The following ANKS1B variants were observed in gnomAD, a reference collection of about 807,000 sequenced individuals.
ANKS1B encodes ankyrin repeat and sterile alpha motif domain containing 1B.
A neutral mutation model predicts 148.3 loss-of-function variants in ANKS1B; 36 were observed. The observed-to-expected ratio is 0.24, with a 90% CI of 0.19 to 0.32. The LOEUF (loss-of-function observed/expected upper bound fraction) is 0.32, where lower values mean the gene tolerates loss of function less well. Ranked by LOEUF, ANKS1B falls within the 10% of genes least tolerant of loss-of-function variation. The probability of loss-of-function intolerance (pLI) is 1.00; values close to 1 mark genes in which losing one functional copy is unlikely to be tolerated. For synonymous variants in ANKS1B, 542 were observed against 560.8 expected, an observed-to-expected ratio of 0.97 and a Z score of 0.47; for missense variants, 1,157 against 1,542.6, an observed-to-expected ratio of 0.75 and a Z score of 4.19.
chr12:99,444,381 C>T (rs1567112935), intron 10 of ANKS1B, among the ~76,000 whole-genome samples: 1 of 151,864 alleles, frequency 6.6e-6, no homozygotes, highest in East Asian at 1.9e-4. Flanking sequence ...AAAATTATCA[C>T]TCCTAGATAA....
intron 14 of ANKS1B, among the ~76,000 whole-genome samples, chr12:99,178,961 T>G (rs972490924): frequency 2.0e-5 from 3 of 152,100 alleles, no homozygotes; most frequent in Non-Finnish European, 2.9e-5. Context: ...AAATAATGCT[T>G]TAGCATGATA....
Position 99,523,612 on chromosome 12 carries a change from G to C in ANKS1B, c.1273-18971C>G, listed in dbSNP as rs575167433. On this transcript the variant is annotated intron_variant, in intron 9 of 26. Transcript: ENST00000683438. ...TCTGTTGCCCAGGCTGGAGTGCAGGGGCGCGATCTTGGCTCACTGCAAGCT... is the reference window on the plus strand; with the variant it reads ...TCTGTTGCCCAGGCTGGAGTGCAGGCGCGCGATCTTGGCTCACTGCAAGCT... Among the ~76,000 whole-genome samples the C allele has an allele frequency of 2.9e-4, 44 of 150,514 alleles. 1 individual carries two copies. In the South Asian group the frequency reaches 5.0e-3, roughly 17 times the overall value.
intron 14 of ANKS1B, among the ~76,000 whole-genome samples, chr12:99,206,611 A>C (rs959456808): frequency 6.6e-5 from 10 of 152,208 alleles, no homozygotes; most frequent in African/African-American, 2.4e-4. Context: ...GAAGGTAAAA[A>C]GAAAGCTAAA....
At chr12:99,244,036 C>A (rs1002228828) in intron 14 of ANKS1B, among the ~76,000 whole-genome samples, 1 of 151,044 alleles carries the variant, frequency 6.6e-6, no homozygotes, top group African/African-American at 2.4e-5. Flanking sequence ...AAAAGACTTA[C>A]AACCAACAGA....
chr12:99,523,551 C>CTTTTT (rs71088130), intron 9 of ANKS1B, among the ~76,000 whole-genome samples: 62 of 119,608 alleles, frequency 5.2e-4, no homozygotes, highest in African/African-American at 1.7e-3. Flanking sequence ...AAGGCATCTT[C>CTTTTT]TTTTTTTTTT....
At chr12:99,388,476 A>C (rs1044986501) in intron 12 of ANKS1B, among the ~76,000 whole-genome samples, 3 of 152,152 alleles carry the variant, frequency 2.0e-5, no homozygotes, top group African/African-American at 7.2e-5. Context: ...TTGATGGGAG[A>C]GGCACCTTGA....
intron 8 of ANKS1B, among the ~76,000 whole-genome samples, chr12:99,660,311 G>A (rs1014085509): frequency 6.6e-6 from 1 of 151,026 alleles, no homozygotes; most frequent in African/African-American, 2.4e-5. Flanking sequence ...TCATAAATGA[G>A]AAATTGTATA....
At chr12:99,559,950 T>A (rs541124362) in intron 9 of ANKS1B, among the ~76,000 whole-genome samples, 1 of 152,284 alleles carries the variant, frequency 6.6e-6, no homozygotes, top group African/African-American at 2.4e-5. Context: ...AGACCTAAAA[T>A]AATTGTAGAA....
At chr12:99,820,731 G>T (rs569634041) in intron 2 of ANKS1B, among the ~76,000 whole-genome samples, 16 of 151,920 alleles carry the variant, frequency 1.1e-4, no homozygotes, top group Admixed American at 2.6e-4. Context: ...AGCATTCCAT[G>T]TAAACATATG....
At chr12:99,202,016 G>T (rs1270276124) in intron 14 of ANKS1B, among the ~76,000 whole-genome samples, 1 of 152,024 alleles carries the variant, frequency 6.6e-6, no homozygotes, top group Non-Finnish European at 1.5e-5. Context: ...AAAAATAAAA[G>T]AAAAATTTTA....
At chr12:98,860,851 C>T (rs1042212303) in intron 17 of ANKS1B, among the ~76,000 whole-genome samples, 11 of 152,164 alleles carry the variant, frequency 7.2e-5, no homozygotes, top group African/African-American at 9.6e-5. Flanking sequence ...TCTGCAAGTC[C>T]GGTACGGGTA....
At chr12:99,505,518 AT>A (rs1325642079) in intron 9 of ANKS1B, among the ~76,000 whole-genome samples, 1 of 151,370 alleles carries the variant, frequency 6.6e-6, no homozygotes, top group African/African-American at 2.4e-5. Context: ...AAAAATTAGA[AT>A]TTATTTCATT....
At chr12:99,624,193 G>A (rs1303091805) in intron 9 of ANKS1B, among the ~76,000 whole-genome samples, 2 of 152,052 alleles carry the variant, frequency 1.3e-5, no homozygotes, top group Non-Finnish European at 2.9e-5. Flanking sequence ...GGAAAAATTG[G>A]CTAGCCATGT....
chr12:98,900,446 T>A (rs752869066), intron 17 of ANKS1B, among the ~76,000 whole-genome samples: 10 of 152,210 alleles, frequency 6.6e-5, no homozygotes, highest in Non-Finnish European at 1.3e-4. Context: ...TTAAATAGAA[T>A]CTGCCTCCGT....
At chr12:99,344,336 C>T (rs1053700124) in intron 12 of ANKS1B, among the ~76,000 whole-genome samples, 1 of 152,060 alleles carries the variant, frequency 6.6e-6, no homozygotes, top group African/African-American at 2.4e-5. Flanking sequence ...CATATTTACT[C>T]CATTTCACCT....
chr12:99,600,585 C>T (rs1304612738), intron 9 of ANKS1B, among the ~76,000 whole-genome samples: 1 of 152,034 alleles, frequency 6.6e-6, no homozygotes, highest in Non-Finnish European at 1.5e-5. Flanking sequence ...TATTCATAGA[C>T]ATGTCGTTCC....
At chr12:99,559,256 T>C (rs1038213718) in intron 9 of ANKS1B, among the ~76,000 whole-genome samples, 2 of 152,196 alleles carry the variant, frequency 1.3e-5, no homozygotes, top group Non-Finnish European at 2.9e-5. Context: ...ATTGCCATTT[T>C]AAAAATCAGA....
At chr12:99,702,465 C>A (rs147797382) in intron 8 of ANKS1B, among the ~76,000 whole-genome samples, 2 of 152,100 alleles carry the variant, frequency 1.3e-5, no homozygotes, top group African/African-American at 2.4e-5. Flanking sequence ...GGGTTGTCTG[C>A]AAATATTGTC....
At chr12:99,154,894 A>G (rs980225276) in intron 14 of ANKS1B, 23 of 1,535,138 alleles carry the variant, frequency 1.5e-5, no homozygotes, top group Admixed American at 9.8e-5. Context: ...CGCATTTTCA[A>G]TAATAGCCAT....
Sources: gnomAD v4.1 joint callset for allele counts (sites outside exome capture counted in the v4.1 genomes callset) on GRCh38, gnomAD v4.1.1 for gene constraint, MANE v1.5 for transcripts, NCBI Gene and HGNC (gene_info 2026-07-23, HGNC 2026-07-21) for gene names.